The following CHURC1 variants were observed in gnomAD, a reference collection of about 807,000 sequenced individuals.
CHURC1 encodes the protein churchill domain containing 1, also known as protein Churchill.
In CHURC1, 12 loss-of-function variants were observed where a neutral mutation model predicts 15.4. The observed-to-expected ratio is 0.78, with a 90% confidence interval of 0.50 to 1.27. CHURC1 has a LOEUF of 1.27. Among genes scored for constraint, CHURC1 ranks in the 50% most tolerant of loss-of-function variants. The pLI, the probability that CHURC1 is intolerant of heterozygous loss-of-function variation, is 0.00. For synonymous variants in CHURC1, 42 were observed against 47.5 expected, an observed-to-expected ratio of 0.88 and a Z score of 0.48; for missense variants, 132 against 137.8, an observed-to-expected ratio of 0.96 and a Z score of 0.21.
Position 64,933,695 on chromosome 14 carries a change from C to G in CHURC1, c.*1465C>G. 6 of 985,406 alleles carry G rather than the reference C, an allele frequency of 6.1e-6. No homozygotes were observed. The highest frequency in any genetic ancestry group is 7.2e-6 in the Non-Finnish European group (6 of 829,926). The allele number at this position is 985,406 out of a possible 1,614,324, so 61.0% of individuals were successfully genotyped here. ...ATTCTGAGACCTAAATTTAAAGGGT[C>G]AGGCATTAGAAACAAAAGTGTTTCT... On this transcript the variant is annotated 3_prime_UTR_variant, in exon 4 of 4. Transcript: ENST00000549115.
intron 3 of CHURC1, among the ~76,000 whole-genome samples, chr14:64,931,788 A>C (rs1485950663): frequency 6.6e-6 from 1 of 152,208 alleles, no homozygotes; most frequent in Non-Finnish European, 1.5e-5. Context: ...TCTGTTGTGT[A>C]TTAGTGTTAA....
chr14:64,928,346 C>T (rs67330703), intron 3 of CHURC1, among the ~76,000 whole-genome samples: 40,225 of 152,044 alleles, frequency 0.26, 6,084 homozygotes, highest in African/African-American at 0.4. Context: ...CTCCCGTGCT[C>T]AGGCGATCCT....
intron 1 of CHURC1, among the ~76,000 whole-genome samples, chr14:64,922,113 T>C (rs923498362): frequency 6.6e-6 from 1 of 152,072 alleles, no homozygotes; most frequent in African/African-American, 2.4e-5. Flanking sequence ...AGGTTAGAGA[T>C]AGACTGAAAA....
chr14:64,918,645 T>C (rs914298940), intron 1 of CHURC1, among the ~76,000 whole-genome samples: 6 of 152,100 alleles, frequency 3.9e-5, no homozygotes, highest in Admixed American at 2.0e-4. Flanking sequence ...CTGGGCTACA[T>C]AGTGAGACCC....
In CHURC1 at chr14:64,933,565, A is replaced by T. The variant is rs45599336; in HGVS notation, c.*1335A>T. On this transcript the variant is annotated 3_prime_UTR_variant, in exon 4 of 4. Transcript: ENST00000549115. ...GGACTAACAAAAATTGATATAATAC[A>T]TTCATCACAGTATTGTTAGGAGATT... 3 of 974,848 alleles carry T rather than the reference A, an allele frequency of 3.1e-6. No individual in the cohort carries two copies. The East Asian group carries it at 3.4e-4, about 111-fold the overall frequency. The allele number at this position is 974,848 out of a possible 1,614,324, so 60.4% of individuals were successfully genotyped here.
At chr14:64,922,374 C>T (rs753074897) in intron 1 of CHURC1, among the ~76,000 whole-genome samples, 3 of 151,862 alleles carry the variant, frequency 2.0e-5, no homozygotes, top group South Asian at 2.1e-4. Context: ...GTCAGGAGAT[C>T]GAGACCATCC....
At chr14:64,916,541 T>C (rs1019571157) in intron 1 of CHURC1, among the ~76,000 whole-genome samples, 1 of 152,124 alleles carries the variant, frequency 6.6e-6, no homozygotes, top group African/African-American at 2.4e-5. Context: ...GAGTTTGCAG[T>C]AGAGAATATT....
rs937191089 is a variant in CHURC1 at position 64,932,919 on chromosome 14, A to G, written c.*689A>G. On this transcript the variant is annotated 3_prime_UTR_variant, in exon 4 of 4. Coordinates refer to ENST00000549115, the MANE Select transcript of CHURC1 (RefSeq NM_001386928.1). ...GCAGAGTATAATATGGAAAGGGGGG[A>G]AAAGAGTAACTTTACAGTGGAGAAA... The G allele has an allele frequency of 6.6e-6, 1 of 152,096 alleles. No individual in the cohort carries two copies. Among genetic ancestry groups the G allele is most frequent in the Non-Finnish European group, 1.5e-5 (1 of 68,026 alleles). The allele number at this position is 152,096 out of a possible 1,614,324, so 9.4% of individuals were successfully genotyped here.
Position 64,914,501 on chromosome 14 carries a change from T to G in CHURC1, c.6T>G (p.Cys2Trp). Residue 2 changes from cysteine (C) to tryptophan (W), a missense_variant, in exon 1 of 4, where the codon TGT becomes TGG. Physicochemically the swap from Cys to Trp is radical, Grantham distance 215 (BLOSUM62 -2). Transcript: ENST00000549115. ...TCCCTGTTGACTGCGTCGCGATGTGTGGCGACTGTGTGGAGAAGGAATATC... is the reference window on the plus strand; with the variant it reads ...TCCCTGTTGACTGCGTCGCGATGTGGGGCGACTGTGTGGAGAAGGAATATC... M[C>W]GDCVEKEYPN... The G allele has an allele frequency of 1.2e-6, 2 of 1,614,252 alleles. No individual in the cohort carries two copies. Among genetic ancestry groups the G allele is most frequent in the Non-Finnish European group, 1.7e-6 (2 of 1,180,052 alleles).
intron 1 of CHURC1, among the ~76,000 whole-genome samples, chr14:64,922,268 CAGT>C (rs1258889689): frequency 6.6e-6 from 1 of 151,740 alleles, no homozygotes; most frequent in Non-Finnish European, 1.5e-5. Context: ...AATTGTACCT[CAGT>C]AGATTTTATT....
chr14:64,914,861 T>TG (rs1337177473), intron 1 of CHURC1, among the ~76,000 whole-genome samples: 1 of 152,230 alleles, frequency 6.6e-6, no homozygotes, highest in Non-Finnish European at 1.5e-5. Context: ...CTCGATTTGA[T>TG]GAAGTACAAT....
At chr14:64,917,414 T>C (rs1389129244) in intron 1 of CHURC1, among the ~76,000 whole-genome samples, 1 of 152,058 alleles carries the variant, frequency 6.6e-6, no homozygotes, top group African/African-American at 2.4e-5. Context: ...AATACAAAAA[T>C]TAGCTGGGTG....
At chr14:64,925,713 A>G (rs907794768) in intron 2 of CHURC1, among the ~76,000 whole-genome samples, 4 of 151,698 alleles carry the variant, frequency 2.6e-5, no homozygotes, top group East Asian at 1.9e-4. Flanking sequence ...AAAAAAAAAA[A>G]AAAAGAAATT....
At chr14:64,916,682 A>G (rs1883903269) in intron 1 of CHURC1, among the ~76,000 whole-genome samples, 1 of 152,042 alleles carries the variant, frequency 6.6e-6, no homozygotes, top group African/African-American at 2.4e-5. Context: ...GGTTCATGCC[A>G]TTCTCCTGCC....
intron 1 of CHURC1, among the ~76,000 whole-genome samples, chr14:64,923,338 A>C (rs1357891781): frequency 6.6e-6 from 1 of 151,270 alleles, no homozygotes; most frequent in Non-Finnish European, 1.5e-5. Context: ...TTTTTTAAAA[A>C]CTTTTTTTGA....
rs781380927 is a variant in CHURC1, at chr14:64,932,118, T to C, written c.247-20T>C. On this transcript the variant is annotated intron_variant, in intron 3 of 3. Coordinates refer to ENST00000549115, the MANE Select transcript of CHURC1 (RefSeq NM_001386928.1). ...TTTTCCCTGTTCCTCTAGGTAATTA[T>C]GCACTTTATCTTGTTCTAGGAGTAT... 12 of 1,606,822 alleles carry C rather than the reference T, an allele frequency of 7.5e-6. No homozygotes were observed. The Admixed American group carries it at 1.2e-4, about 16-fold the overall frequency.
intron 1 of CHURC1, 32 bp downstream of exon 1, chr14:64,914,566 G>A: frequency 1.2e-6 from 2 of 1,613,838 alleles, no homozygotes; most frequent in Non-Finnish European, 1.7e-6. Flanking sequence ...TGGCCCGCGG[G>A]CGGCCCCCGA....
chr14:64,921,105 G>A (rs1423169346), intron 1 of CHURC1, among the ~76,000 whole-genome samples: 1 of 152,164 alleles, frequency 6.6e-6, no homozygotes, highest in Non-Finnish European at 1.5e-5. Flanking sequence ...TCAGTGGGGG[G>A]AAAGACAGTT....
chr14:64,925,952 A>C (rs754786180), intron 2 of CHURC1, 58 bp from the exon 3 acceptor site: 10 of 1,267,740 alleles, frequency 7.9e-6, no homozygotes, highest in Non-Finnish European at 1.1e-5. Flanking sequence ...AAATTTTAAT[A>C]GAAGTTTTAA....
Sources: gnomAD v4.1 joint callset for allele counts (sites outside exome capture counted in the v4.1 genomes callset) on GRCh38, gnomAD v4.1.1 for gene constraint, MANE v1.5 for transcripts, NCBI Gene and HGNC (gene_info 2026-07-23, HGNC 2026-07-21) for gene names.